The following ZBTB7C variants were observed in gnomAD, a reference collection of about 807,000 sequenced individuals.
ZBTB7C encodes the protein zinc finger and BTB domain containing 7C.
Under a neutral mutation model 25.7 loss-of-function variants are expected in ZBTB7C, and 8 were observed. That is an observed-to-expected ratio of 0.31 (90% CI 0.18 to 0.56). ZBTB7C has a LOEUF of 0.56. Among genes scored for constraint, ZBTB7C ranks in the 20% least tolerant of loss-of-function variants. The pLI, the probability that ZBTB7C is intolerant of heterozygous loss-of-function variation, is 0.91. For synonymous variants in ZBTB7C, 394 were observed against 369.0 expected (o/e 1.07, Z -0.78); for missense variants, 824 against 855.2 (o/e 0.96, Z 0.46).
At chr18:48,094,965 A>G (rs2038561259) in intron 3 of ZBTB7C, among the ~76,000 whole-genome samples, 1 of 152,120 alleles carries the variant, frequency 6.6e-6, no homozygotes, top group South Asian at 2.1e-4. Context: ...GAGAGACAGT[A>G]ATTGTGTTTT....
intron 1 of ZBTB7C, among the ~76,000 whole-genome samples, chr18:48,379,284 G>A (rs1191744632): frequency 6.6e-6 from 1 of 152,020 alleles, no homozygotes; most frequent in African/African-American, 2.4e-5. Context: ...CTGGAAACTG[G>A]GTAGTATGCA....
intron 2 of ZBTB7C, among the ~76,000 whole-genome samples, chr18:48,202,811 A>G (rs779462290): frequency 3.3e-5 from 5 of 152,034 alleles, no homozygotes; most frequent in Admixed American, 6.5e-5. Flanking sequence ...CCCAGGAGAT[A>G]AAGAGTGTCC....
At chr18:48,231,105 G>T (rs562027255) in intron 2 of ZBTB7C, among the ~76,000 whole-genome samples, 18 of 152,278 alleles carry the variant, frequency 1.2e-4, no homozygotes, top group African/African-American at 4.3e-4. Context: ...CAGCCTGGGC[G>T]CACTGGCACT....
At chr18:48,039,168 A>T (rs773637134) in intron 4 of ZBTB7C, among the ~76,000 whole-genome samples, 3 of 152,228 alleles carry the variant, frequency 2.0e-5, no homozygotes, top group African/African-American at 4.8e-5. Context: ...AACAGCATAA[A>T]GTTGTCCCCC....
intron 3 of ZBTB7C, among the ~76,000 whole-genome samples, chr18:48,061,012 G>A (rs2037106294): frequency 6.6e-6 from 1 of 152,170 alleles, no homozygotes; most frequent in African/African-American, 2.4e-5. Context: ...TGGGGCTGGG[G>A]TGGGATTGGA....
intron 2 of ZBTB7C, among the ~76,000 whole-genome samples, chr18:48,261,793 A>G (rs543965596): frequency 2.6e-5 from 4 of 152,252 alleles, no homozygotes; most frequent in African/African-American, 9.6e-5. Flanking sequence ...TAACCAGGAC[A>G]TGGTGGTCAT....
chr18:48,148,331 C>T (rs1031948533), intron 3 of ZBTB7C: 2 of 152,170 alleles, frequency 1.3e-5, no homozygotes, highest in Admixed American at 1.3e-4. Context: ...TGAATGTTCT[C>T]ATCTTCATGG....
At chr18:48,094,774 T>C (rs9967421) in intron 3 of ZBTB7C, among the ~76,000 whole-genome samples, 11,428 of 152,214 alleles carry the variant, frequency 0.075, 1,435 homozygotes, top group African/African-American at 0.26. Context: ...TGCATATGCA[T>C]TTACTTCTTA....
chr18:48,291,962 C>CT (rs2045243165), intron 2 of ZBTB7C, among the ~76,000 whole-genome samples: 1 of 152,154 alleles, frequency 6.6e-6, no homozygotes, highest in Non-Finnish European at 1.5e-5. Flanking sequence ...CTTTGGGAGG[C>CT]TGAGGCAGGC....
intron 3 of ZBTB7C, among the ~76,000 whole-genome samples, chr18:48,079,478 A>C (rs1375197900): frequency 6.6e-6 from 1 of 152,238 alleles, no homozygotes; most frequent in African/African-American, 2.4e-5. Flanking sequence ...AAATGGGCCC[A>C]GGGTCCACCT....
At chr18:48,225,930 A>G (rs1393779828) in intron 2 of ZBTB7C, among the ~76,000 whole-genome samples, 1 of 152,084 alleles carries the variant, frequency 6.6e-6, no homozygotes, top group Admixed American at 6.5e-5. Context: ...TTTAGTAGAG[A>G]CGGGGTTTCA....
chr18:48,174,765 GAATA>G (rs1179415604), intron 3 of ZBTB7C, among the ~76,000 whole-genome samples: 2 of 152,180 alleles, frequency 1.3e-5, no homozygotes, highest in African/African-American at 4.8e-5. Flanking sequence ...ATTACTGAAT[GAATA>G]AAGTAAAATG....
rs775628903 is a variant in ZBTB7C, at chr18:48,029,591, G to A, written c.1529C>T (p.Ala510Val). Residue 510 changes from alanine to valine, a missense_variant, in exon 5 of 5, where the codon GCG becomes GTG. By Grantham distance (64) the Ala-to-Val change is moderately conservative. Around this residue, in one of 4 missense-constraint regions of ZBTB7C, gnomAD observed 342 missense variants for 307.0 expected, o/e 1.11. Transcript: ENST00000590800. ...PDKAAFVMPP[A>V]LGEVGGHLGG... Reference sequence around the variant, plus strand: ...CAGGTGGCCGCCCACCTCGCCCAGCGCAGGGGGCATCACGAAGGCCGCCTT... The same window carrying A: ...CAGGTGGCCGCCCACCTCGCCCAGCACAGGGGGCATCACGAAGGCCGCCTT... The A allele has an allele frequency of 8.0e-6, 12 of 1,495,862 alleles. No homozygotes were observed. In the East Asian group the frequency reaches 9.8e-5, roughly 12 times the overall value. The allele number at this position is 1,495,862 out of a possible 1,614,324, so 92.7% of individuals were successfully genotyped here.
intron 2 of ZBTB7C, among the ~76,000 whole-genome samples, chr18:48,189,977 G>T (rs979281526): frequency 2.6e-5 from 4 of 152,194 alleles, no homozygotes. Flanking sequence ...AACATTCAGG[G>T]AGTGGAGTGG....
intron 3 of ZBTB7C, among the ~76,000 whole-genome samples, chr18:48,104,101 G>T (rs1040090148): frequency 6.6e-6 from 1 of 152,158 alleles, no homozygotes; most frequent in Admixed American, 6.5e-5. Flanking sequence ...ATGTGATATA[G>T]TTTGGATATC....
intron 1 of ZBTB7C, among the ~76,000 whole-genome samples, chr18:48,341,738 A>G (rs904674642): frequency 1.3e-5 from 2 of 152,246 alleles, no homozygotes; most frequent in African/African-American, 4.8e-5. Context: ...ATCATCATGC[A>G]CTGCCATGGA....
intron 3 of ZBTB7C, among the ~76,000 whole-genome samples, chr18:48,096,066 G>A (rs549231622): frequency 1.3e-5 from 2 of 152,286 alleles, no homozygotes; most frequent in East Asian, 1.9e-4. Context: ...TGCCGTTATC[G>A]GGGGCTCAGG....
intron 4 of ZBTB7C, among the ~76,000 whole-genome samples, chr18:48,038,479 T>A (rs1359801106): frequency 7.6e-6 from 1 of 131,962 alleles, no homozygotes; most frequent in African/African-American, 3.4e-5. Context: ...CTGAAACTCT[T>A]CTCTGGCAAC....
intron 2 of ZBTB7C, among the ~76,000 whole-genome samples, chr18:48,200,382 C>T (rs1462709984): frequency 6.6e-6 from 1 of 151,906 alleles, no homozygotes; most frequent in Admixed American, 6.6e-5. Flanking sequence ...ACAGGCCAGA[C>T]CAGGGAAGGA....
Sources: gnomAD v4.1 joint callset for allele counts (sites outside exome capture counted in the v4.1 genomes callset) on GRCh38, gnomAD v4.1.1 for gene constraint, gnomAD v4.1.1 regional missense constraint, MANE v1.5 for transcripts, NCBI Gene and HGNC (gene_info 2026-07-23, HGNC 2026-07-21) for gene names.